Variants in BABAM2 observed in about 807,000 individuals in gnomAD.
The protein encoded by BABAM2 is BRISC and BRCA1-A complex member 2.
A neutral mutation model predicts 54.7 loss-of-function variants in BABAM2; 31 were observed. The ratio of observed to expected loss-of-function variants is 0.57; its 90% CI spans 0.43 to 0.77. The LOEUF (loss-of-function observed/expected upper bound fraction) is 0.77, where lower values mean the gene tolerates loss of function less well. Ranked by LOEUF, BABAM2 falls within the 30% of genes least tolerant of loss-of-function variation. The pLI is 0.00. For missense variants in BABAM2, 364 were observed against 455.8 expected (o/e 0.80, Z 1.83); for synonymous variants, 167 against 162.9 (o/e 1.03, Z -0.19).
chr2:28,145,615 G>A (rs1395224010), intron 7 of BABAM2, among the ~76,000 whole-genome samples: 6 of 152,072 alleles, frequency 3.9e-5, no homozygotes, highest in Non-Finnish European at 8.8e-5. Context: ...CATTTAAAGT[G>A]TACAGTTCAG....
chr2:28,086,334 A>C (rs1261805819), intron 6 of BABAM2, among the ~76,000 whole-genome samples: 3 of 152,198 alleles, frequency 2.0e-5, no homozygotes, highest in African/African-American at 7.2e-5. Flanking sequence ...AGTTCGTAGA[A>C]CAGTCTTTTT....
At chr2:27,993,794 T>C (rs1457950692) in intron 4 of BABAM2, among the ~76,000 whole-genome samples, 1 of 152,140 alleles carries the variant, frequency 6.6e-6, no homozygotes, top group Non-Finnish European at 1.5e-5. Flanking sequence ...CTGTTCTGCT[T>C]GCGTAGAATG....
chr2:28,291,852 C>T (rs1181376881), intron 10 of BABAM2, among the ~76,000 whole-genome samples: 3 of 152,222 alleles, frequency 2.0e-5, no homozygotes, highest in Non-Finnish European at 4.4e-5. Flanking sequence ...ATCCACATGT[C>T]TCAAAGGTTT....
At chr2:27,935,157 T>C (rs2148364459) in intron 3 of BABAM2, among the ~76,000 whole-genome samples, 2 of 152,342 alleles carry the variant, frequency 1.3e-5, no homozygotes. Context: ...AGCTAGTGAC[T>C]AATTTGAAGC....
chr2:28,292,808 G>A (rs922609373), intron 10 of BABAM2, among the ~76,000 whole-genome samples: 7 of 152,194 alleles, frequency 4.6e-5, no homozygotes, highest in African/African-American at 1.7e-4. Context: ...CCATGTCTTG[G>A]TTTATTGAAG....
chr2:28,291,859 G>A (rs1424709024), intron 10 of BABAM2, among the ~76,000 whole-genome samples: 1 of 152,208 alleles, frequency 6.6e-6, no homozygotes, highest in East Asian at 1.9e-4. Context: ...TGTCTCAAAG[G>A]TTTAGTGTGT....
At chr2:28,096,245 C>G (rs1449838293) in intron 6 of BABAM2, among the ~76,000 whole-genome samples, 1 of 152,130 alleles carries the variant, frequency 6.6e-6, no homozygotes, top group African/African-American at 2.4e-5. Flanking sequence ...TGGCTGACAT[C>G]TGTCTAAAAT....
At chr2:28,005,821 A>G (rs1464404505) in intron 4 of BABAM2, among the ~76,000 whole-genome samples, 2 of 152,224 alleles carry the variant, frequency 1.3e-5, no homozygotes, top group East Asian at 3.9e-4. Context: ...TGTTTCATCT[A>G]TACTCCTATT....
intron 6 of BABAM2, among the ~76,000 whole-genome samples, chr2:28,053,467 T>C (rs1678151275): frequency 6.6e-6 from 1 of 151,992 alleles, no homozygotes; most frequent in Admixed American, 6.6e-5. Context: ...TAGGAAGGAG[T>C]ACTGGGAAGA....
intron 10 of BABAM2, among the ~76,000 whole-genome samples, chr2:28,280,381 T>A (rs1348195878): frequency 6.6e-6 from 1 of 152,048 alleles, no homozygotes; most frequent in Non-Finnish European, 1.5e-5. Flanking sequence ...TTTAAGTATT[T>A]AAAAATCCCA....
chr2:28,005,950 T>C lies in BABAM2; in HGVS notation c.300+17863T>C, dbSNP rs892711262. Among the ~76,000 whole-genome samples, 7 of 152,232 alleles carry C rather than the reference T, an allele frequency of 4.6e-5. No individual in the cohort carries two copies. The South Asian group carries it at 1.2e-3, about 27-fold the overall frequency. ...AATCTTTTAAAAAGCATAACCAAAA[T>C]ACCATTATCTTATCTAAACAAATTG... On this transcript the variant is annotated intron_variant, in intron 4 of 11. Transcript: ENST00000379624.
chr2:28,116,851 A>G (rs1668657885), intron 6 of BABAM2, among the ~76,000 whole-genome samples: 1 of 152,226 alleles, frequency 6.6e-6, no homozygotes, highest in Non-Finnish European at 1.5e-5. Context: ...TTAGCATGTC[A>G]TATGGAAAAA....
intron 7 of BABAM2, among the ~76,000 whole-genome samples, chr2:28,227,507 T>C (rs1450588819): frequency 6.6e-6 from 1 of 152,208 alleles, no homozygotes; most frequent in Non-Finnish European, 1.5e-5. Context: ...TCTGTTTACC[T>C]GAATATAACC....
At chr2:28,084,054 T>C (rs1573545209) in intron 6 of BABAM2, among the ~76,000 whole-genome samples, 2 of 152,142 alleles carry the variant, frequency 1.3e-5, no homozygotes, top group Non-Finnish European at 2.9e-5. Flanking sequence ...CACAGCAGAG[T>C]AAGATGCGCT....
At chr2:27,905,251 C>G (rs1666104916) in intron 2 of BABAM2, among the ~76,000 whole-genome samples, 1 of 152,002 alleles carries the variant, frequency 6.6e-6, no homozygotes, top group South Asian at 2.1e-4. Flanking sequence ...TGGGCAGAAG[C>G]TGGAAGTCAG....
At position 28,026,979 on chromosome 2, in the gene BABAM2, A is replaced by ATATAAATATATAT. The variant is rs1558668295; in HGVS notation, c.495+1559_495+1560insTATAAATATATAT. Among the ~76,000 whole-genome samples, 332 of 96,568 alleles carry ATATAAATATATAT rather than the reference A, an allele frequency of 3.4e-3. 22 individuals are homozygous for ATATAAATATATAT. Among genetic ancestry groups the ATATAAATATATAT allele is most frequent in the African/African-American group, 0.016 (319 of 19,490 alleles). 63.4% of individuals were successfully genotyped at this position (96,568 alleles called of 152,430 possible). On this transcript the variant is annotated intron_variant, in intron 5 of 11. Coordinates refer to ENST00000379624, the MANE Select transcript of BABAM2 (RefSeq NM_199191.3). ...ATATAAATATATATATAAATATATAAATATATATAAAAATATATAAATATA... is the reference window on the plus strand; with the variant it reads ...ATATAAATATATATATAAATATATAATATAAATATATATATATATATAAAAATATATAAATATA...
At chr2:28,238,605 G>A (rs1573907290) in intron 8 of BABAM2, among the ~76,000 whole-genome samples, 1 of 152,166 alleles carries the variant, frequency 6.6e-6, no homozygotes, top group Non-Finnish European at 1.5e-5. Flanking sequence ...CAGATTCCAG[G>A]CTTTAACCCT....
At chr2:27,937,363 A>G (rs1412927253) in intron 3 of BABAM2, among the ~76,000 whole-genome samples, 1 of 152,166 alleles carries the variant, frequency 6.6e-6, no homozygotes, top group East Asian at 1.9e-4. Context: ...CCTGACCTCG[A>G]GATCTGCCTG....
At chr2:28,026,863 GAT>G (rs1491049917) in intron 5 of BABAM2, among the ~76,000 whole-genome samples, 613 of 28,062 alleles carry the variant, frequency 0.022, 41 homozygotes, top group African/African-American at 0.097. Context: ...TATATATATA[GAT>G]ATATATATTT....
Sources: allele counts gnomAD v4.1 joint callset (sites outside exome capture counted in the v4.1 genomes callset), GRCh38; gene constraint gnomAD v4.1.1; transcripts MANE v1.5; gene names NCBI Gene and HGNC (gene_info 2026-07-23, HGNC 2026-07-21).